TMTC1: variants seen among roughly 807,000 people sequenced by gnomAD.
TMTC1 encodes the protein protein O-mannosyl-transferase TMTC1.
Under a neutral mutation model 104.8 loss-of-function variants are expected in TMTC1, and 73 were observed. The observed-to-expected ratio is 0.70, with a 90% CI of 0.58 to 0.85. The LOEUF (loss-of-function observed/expected upper bound fraction) is 0.85. TMTC1 is among the 40% of genes least tolerant of loss of function. The pLI, the probability that TMTC1 is intolerant of heterozygous loss-of-function variation, is 0.00. For synonymous variants in TMTC1, 434 were observed against 428.7 expected (o/e 1.01, Z -0.15); for missense variants, 1,035 against 1,096.1 (o/e 0.94, Z 0.79).
chr12:29,583,366 A>T (rs911238654), intron 8 of TMTC1, 41 bp downstream of exon 8: 1 of 1,582,754 alleles, frequency 6.3e-7, no homozygotes, highest in African/African-American at 1.4e-5. Flanking sequence ...TAAGCAAAGA[A>T]ATAAACAGGA....
intron 5 of TMTC1, among the ~76,000 whole-genome samples, chr12:29,663,843 AGCTT>A (rs1940150114): frequency 6.6e-6 from 1 of 152,034 alleles, no homozygotes. Flanking sequence ...TTTCTCTGAA[AGCTT>A]GCTATGATGG....
intron 8 of TMTC1, among the ~76,000 whole-genome samples, chr12:29,575,861 A>G (rs776271872): frequency 5.3e-5 from 8 of 152,176 alleles, no homozygotes; most frequent in Non-Finnish European, 8.8e-5. Context: ...CATTCCCACC[A>G]ACAATGTACA....
intron 11 of TMTC1, among the ~76,000 whole-genome samples, chr12:29,525,045 T>C (rs1446680029): frequency 6.8e-6 from 1 of 146,804 alleles, no homozygotes; most frequent in Non-Finnish European, 1.5e-5. Flanking sequence ...TATCTTAAGG[T>C]TTCAAATGGG....
intron 10 of TMTC1, among the ~76,000 whole-genome samples, chr12:29,552,837 A>C (rs1945142125): frequency 6.6e-6 from 1 of 152,246 alleles, no homozygotes; most frequent in Non-Finnish European, 1.5e-5. Flanking sequence ...TGGAGAAATC[A>C]ATATTGTGTA....
intron 9 of TMTC1, among the ~76,000 whole-genome samples, chr12:29,565,602 T>C (rs1247679329): frequency 1.3e-5 from 2 of 152,190 alleles, no homozygotes; most frequent in African/African-American, 2.4e-5. Flanking sequence ...ACCCCAGCAC[T>C]TTGGGAGGTC....
At chr12:29,595,062 C>T (rs1293091212) in intron 7 of TMTC1, among the ~76,000 whole-genome samples, 1 of 152,176 alleles carries the variant, frequency 6.6e-6, no homozygotes, top group Non-Finnish European at 1.5e-5. Flanking sequence ...ATAGCTTACA[C>T]TTCTCACATG....
At chr12:29,592,870 A>C (rs1041400526) in intron 7 of TMTC1, among the ~76,000 whole-genome samples, 3 of 152,348 alleles carry the variant, frequency 2.0e-5, no homozygotes, top group Admixed American at 6.5e-5. Flanking sequence ...ATAGAGTAAG[A>C]AGCAGGAAAT....
At chr12:29,552,481 T>TA (rs1431482675) in intron 10 of TMTC1, among the ~76,000 whole-genome samples, 1 of 152,228 alleles carries the variant, frequency 6.6e-6, no homozygotes, top group Admixed American at 6.5e-5. Flanking sequence ...CTCTCATTTC[T>TA]ACTGGGCAGT....
intron 5 of TMTC1, among the ~76,000 whole-genome samples, chr12:29,669,437 G>C (rs1372035220): frequency 1.3e-5 from 2 of 152,154 alleles, no homozygotes; most frequent in African/African-American, 4.8e-5. Context: ...TGTTAGCATT[G>C]CATGACATTG....
At chr12:29,587,614 G>C (rs1022306045) in intron 7 of TMTC1, among the ~76,000 whole-genome samples, 6 of 152,134 alleles carry the variant, frequency 3.9e-5, no homozygotes, top group African/African-American at 1.4e-4. Flanking sequence ...TTACAGGTGT[G>C]ATTCTTCCCA....
chr12:29,749,725 T>C lies in TMTC1; in HGVS notation c.938+1941A>G, dbSNP rs146967361. 7.3e-3 allele frequency among the ~76,000 whole-genome samples: 1,117 copies of C among 152,196 alleles called. 19 individuals are homozygous for C. The highest frequency in any genetic ancestry group is 0.026 in the African/African-American group (1,070 of 41,506). On this transcript the variant is annotated intron_variant, in intron 5 of 17. Coordinates refer to ENST00000539277, the MANE Select transcript of TMTC1 (RefSeq NM_001193451.2). ...CTCTCCCCAACCCCCAGAAAATCTATTACTCCCCTAATTTTTCCACTTAGT... is the reference window on the plus strand; with the variant it reads ...CTCTCCCCAACCCCCAGAAAATCTACTACTCCCCTAATTTTTCCACTTAGT...
At chr12:29,641,658 C>G (rs1938860713) in intron 5 of TMTC1, among the ~76,000 whole-genome samples, 1 of 152,042 alleles carries the variant, frequency 6.6e-6, no homozygotes, top group Non-Finnish European at 1.5e-5. Flanking sequence ...GAAAACCGAC[C>G]CTGATAATAT....
chr12:29,683,376 T>C (rs1226582763), intron 5 of TMTC1, among the ~76,000 whole-genome samples: 3 of 152,118 alleles, frequency 2.0e-5, no homozygotes, highest in Non-Finnish European at 2.9e-5. Context: ...TCCCAAAAAG[T>C]AGAAGAAAGA....
intron 6 of TMTC1, among the ~76,000 whole-genome samples, chr12:29,618,261 A>T (rs532066339): frequency 6.6e-6 from 1 of 152,344 alleles, no homozygotes; most frequent in African/African-American, 2.4e-5. Flanking sequence ...CAACACACTG[A>T]ATGGGTAAAG....
intron 1 of TMTC1, among the ~76,000 whole-genome samples, chr12:29,771,365 G>C (rs533466945): frequency 2.6e-5 from 4 of 152,226 alleles, no homozygotes; most frequent in African/African-American, 9.6e-5. Context: ...ATAGGTCATT[G>C]CCCTATGTAC....
At chr12:29,543,864 C>T (rs1353611999) in intron 10 of TMTC1, among the ~76,000 whole-genome samples, 1 of 152,072 alleles carries the variant, frequency 6.6e-6, no homozygotes, top group Non-Finnish European at 1.5e-5. Context: ...AGGGGTTCAC[C>T]CTAATTTTTC....
upstream of TMTC1, chr12:29,784,419 C>G (rs1376445136): frequency 2.0e-5 from 3 of 152,274 alleles, no homozygotes; most frequent in Non-Finnish European, 2.9e-5. Context: ...GCGCTCGCGT[C>G]CAGTCGCCGG....
At chr12:29,527,498 T>G (rs1251200064) in intron 11 of TMTC1, among the ~76,000 whole-genome samples, 1 of 152,246 alleles carries the variant, frequency 6.6e-6, no homozygotes, top group African/African-American at 2.4e-5. Context: ...ACACCTGTCA[T>G]GATCCAAATG....
intron 7 of TMTC1, among the ~76,000 whole-genome samples, chr12:29,600,020 T>TTG (rs1565699859): frequency 4.3e-5 from 6 of 140,686 alleles, no homozygotes; most frequent in African/African-American, 1.8e-4. Flanking sequence ...TTTTTTTTTT[T>TTG]TTTCCCTCAA....
Sources: allele counts gnomAD v4.1 joint callset (sites outside exome capture counted in the v4.1 genomes callset), GRCh38; gene constraint gnomAD v4.1.1; transcripts MANE v1.5; gene names NCBI Gene and HGNC (gene_info 2026-07-23, HGNC 2026-07-21).